ANO3: variants seen among roughly 807,000 people sequenced by gnomAD.
The protein encoded by ANO3 is anoctamin 3, also known as anoctamin-3.
ANO3 carries 99 observed loss-of-function variants against 144.8 expected under a neutral mutation model. The ratio of observed to expected loss-of-function variants is 0.68; its 90% CI spans 0.58 to 0.81. ANO3 has a LOEUF of 0.81. Among genes scored for constraint, ANO3 ranks in the 30% least tolerant of loss-of-function variants. ANO3 has a pLI of 0.00. For missense variants in ANO3, 905 were observed against 1,202.2 expected (o/e 0.75, Z 3.66); for synonymous variants, 414 against 392.6 (o/e 1.05, Z -0.64).
chr11:26,490,371 T>G (rs1290383811), intron 4 of ANO3, among the ~76,000 whole-genome samples: 1 of 152,164 alleles, frequency 6.6e-6, no homozygotes, highest in Non-Finnish European at 1.5e-5. Context: ...AGTGTGAAAA[T>G]GGACTAACAC....
chr11:26,455,760 C>G (rs1030869512), intron 3 of ANO3, among the ~76,000 whole-genome samples: 1 of 150,456 alleles, frequency 6.6e-6, no homozygotes, highest in Non-Finnish European at 1.5e-5. Context: ...GAGCCCGCAT[C>G]GCCAAGTCAA....
intron 14 of ANO3, chr11:26,563,106 T>TAG (rs1368814473): frequency 1.9e-5 from 31 of 1,610,500 alleles, no homozygotes; most frequent in Admixed American, 1.7e-5. Context: ...GTATTGAAAA[T>TAG]AGATTTTACC....
chr11:26,502,696 A>G lies in ANO3; in HGVS notation c.433-5408A>G, dbSNP rs1861245516. ...GCTCATAACTCTATTAATGCGCAAA[A>G]TAGAGCATTGTAATGCAATGTTTAC... On this transcript the variant is annotated intron_variant, in intron 4 of 26. Transcript: ENST00000256737. Among the ~76,000 whole-genome samples the G allele has an allele frequency of 2.6e-5, 4 of 152,152 alleles. No individual in the cohort carries two copies. The South Asian group carries it at 8.3e-4, about 31-fold the overall frequency.
At chr11:26,591,796 TAGAGGTTCA>T (rs1851460552) in intron 14 of ANO3, among the ~76,000 whole-genome samples, 1 of 152,176 alleles carries the variant, frequency 6.6e-6, no homozygotes, top group Non-Finnish European at 1.5e-5. Context: ...GCAGATCCTC[TAGAGGTTCA>T]CAGGAATACC....
At chr11:26,588,378 C>G (rs1274378686) in intron 14 of ANO3, among the ~76,000 whole-genome samples, 1 of 152,038 alleles carries the variant, frequency 6.6e-6, no homozygotes, top group Non-Finnish European at 1.5e-5. Context: ...ATGTGGATTA[C>G]CTGAAAGTTG....
At chr11:26,464,439 CACTG>C (rs945859155) in intron 4 of ANO3, among the ~76,000 whole-genome samples, 2 of 151,712 alleles carry the variant, frequency 1.3e-5, no homozygotes, top group Non-Finnish European at 3.0e-5. Context: ...GTGCATATAG[CACTG>C]ACTGGAAGAC....
chr11:26,259,042 T>C (rs779952221), intron 1 of ANO3, among the ~76,000 whole-genome samples: 5 of 152,200 alleles, frequency 3.3e-5, no homozygotes, highest in Non-Finnish European at 7.3e-5. Flanking sequence ...TGATTGTCCA[T>C]TCTTTCCACA....
chr11:26,256,515 C>T (rs1268783839), intron 1 of ANO3, among the ~76,000 whole-genome samples: 2 of 152,006 alleles, frequency 1.3e-5, no homozygotes, highest in South Asian at 2.1e-4. Context: ...TTCCCACTTA[C>T]TAACTATATA....
chr11:26,222,616 G>A (rs1403271120), intron 1 of ANO3, among the ~76,000 whole-genome samples: 1 of 152,218 alleles, frequency 6.6e-6, no homozygotes, highest in Non-Finnish European at 1.5e-5. Flanking sequence ...GGAGAATCCA[G>A]GCTTTCCGTA....
intron 1 of ANO3, among the ~76,000 whole-genome samples, chr11:26,402,982 A>T (rs946884315): frequency 1.3e-5 from 2 of 151,880 alleles, no homozygotes; most frequent in African/African-American, 2.4e-5. Context: ...TGTCTCTCAG[A>T]TCCCTTTTAT....
chr11:26,391,148 A>T (rs1349801335), intron 1 of ANO3, among the ~76,000 whole-genome samples: 9 of 152,098 alleles, frequency 5.9e-5, no homozygotes, highest in Admixed American at 5.9e-4. Context: ...GAAGACTAGG[A>T]AGTCCAAGGT....
chr11:26,471,415 AC>A (rs554476728), intron 4 of ANO3, among the ~76,000 whole-genome samples: 10 of 152,140 alleles, frequency 6.6e-5, no homozygotes, highest in Admixed American at 2.6e-4. Context: ...ATAATTTGTT[AC>A]AAATATAATA....
At chr11:26,276,678 A>C (rs1031012052) in intron 1 of ANO3, among the ~76,000 whole-genome samples, 1 of 152,120 alleles carries the variant, frequency 6.6e-6, no homozygotes, top group African/African-American at 2.4e-5. Flanking sequence ...CCACGCTTTC[A>C]AAGGCCAATT....
chr11:26,481,136 G>GA lies in ANO3; in HGVS notation c.432+17997dup, dbSNP rs569299640. Among the ~76,000 whole-genome samples, 151 of 150,564 alleles carry GA rather than the reference G, an allele frequency of 1.0e-3. 2 individuals are homozygous for GA. In the South Asian group the frequency reaches 0.029, roughly 29 times the overall value. On this transcript the variant is annotated intron_variant, in intron 4 of 26. Coordinates refer to ENST00000256737, the MANE Select transcript of ANO3 (RefSeq NM_031418.4). ...AAAATGTATTCATATTATTACAGATGAAAAAAAAATAAGGAATTGAGACCT... is the reference window on the plus strand; with the variant it reads ...AAAATGTATTCATATTATTACAGATGAAAAAAAAAATAAGGAATTGAGACCT...
At chr11:26,513,743 T>C (rs901935736) in intron 5 of ANO3, among the ~76,000 whole-genome samples, 3 of 152,144 alleles carry the variant, frequency 2.0e-5, no homozygotes, top group African/African-American at 7.2e-5. Context: ...CAGGGAACCA[T>C]TAGGAAGAAT....
chr11:26,437,117 C>T (rs559291176), intron 1 of ANO3, among the ~76,000 whole-genome samples: 2 of 152,122 alleles, frequency 1.3e-5, no homozygotes, highest in South Asian at 4.1e-4. Context: ...TCTTATCCTG[C>T]GAGGTGCTGT....
chr11:26,472,780 T>C (rs1240857800), intron 4 of ANO3, among the ~76,000 whole-genome samples: 1 of 151,910 alleles, frequency 6.6e-6, no homozygotes, highest in Non-Finnish European at 1.5e-5. Context: ...CATCTCCCCA[T>C]GTCATCTTTC....
At chr11:26,227,285 T>C (rs534880050) in intron 1 of ANO3, among the ~76,000 whole-genome samples, 118 of 152,334 alleles carry the variant, frequency 7.7e-4, no homozygotes, top group African/African-American at 2.8e-3. Context: ...AAATTTATAC[T>C]GTTGTCTCAT....
intron 1 of ANO3, among the ~76,000 whole-genome samples, chr11:26,386,582 C>G (rs1051475110): frequency 3.3e-5 from 5 of 152,158 alleles, no homozygotes; most frequent in African/African-American, 1.2e-4. Flanking sequence ...GGGTTGACGT[C>G]CTGAGCCCAC....
Sources: gnomAD v4.1 joint callset for allele counts (sites outside exome capture counted in the v4.1 genomes callset) on GRCh38, gnomAD v4.1.1 for gene constraint, MANE v1.5 for transcripts, NCBI Gene and HGNC (gene_info 2026-07-23, HGNC 2026-07-21) for gene names.